Variants in PRPF3 observed in about 807,000 individuals in gnomAD.
The protein encoded by PRPF3 is pre-mRNA processing factor 3.
A neutral mutation model predicts 89.2 loss-of-function variants in PRPF3; 3 were observed. That is an observed-to-expected ratio of 0.03 (90% CI 0.02 to 0.09). The LOEUF (loss-of-function observed/expected upper bound fraction) is 0.09, where lower values mean the gene tolerates loss of function less well. Ranked by LOEUF, PRPF3 falls within the 10% of genes least tolerant of loss-of-function variation. The pLI, the probability that PRPF3 is intolerant of heterozygous loss-of-function variation, is 1.00. For missense variants in PRPF3, 463 were observed against 828.8 expected, an observed-to-expected ratio of 0.56 and a Z score of 5.42; for synonymous variants, 270 against 289.1, an observed-to-expected ratio of 0.93 and a Z score of 0.67.
intron 4 of PRPF3, among the ~76,000 whole-genome samples, 165 bp downstream of exon 4, chr1:150,328,631 C>T (rs1364141166): frequency 1.4e-5 from 2 of 139,530 alleles, no homozygotes; most frequent in African/African-American, 5.3e-5. Context: ...CAGCTCACTG[C>T]AACCTCCGCC....
At chr1:150,341,269 G>A (rs1380657723) in intron 9 of PRPF3, among the ~76,000 whole-genome samples, 3 of 151,996 alleles carry the variant, frequency 2.0e-5, no homozygotes, top group Non-Finnish European at 1.5e-5. Flanking sequence ...AAATGCAAAT[G>A]CAAGAGCCAA....
chr1:150,322,139 G>C (rs1345130605), intron 1 of PRPF3, among the ~76,000 whole-genome samples: 1 of 152,096 alleles, frequency 6.6e-6, no homozygotes, highest in Non-Finnish European at 1.5e-5. Context: ...TCTTATGGAG[G>C]TAACAGTGGC....
At chr1:150,339,466 C>T (rs369071541) in intron 8 of PRPF3, among the ~76,000 whole-genome samples, 140 of 145,868 alleles carry the variant, frequency 9.6e-4, no homozygotes, top group African/African-American at 3.3e-3. Context: ...GACGGAGTTT[C>T]GCTCTTGTTG....
intron 14 of PRPF3, among the ~76,000 whole-genome samples, chr1:150,347,555 C>G (rs1658419072): frequency 6.6e-6 from 1 of 151,982 alleles, no homozygotes; most frequent in Non-Finnish European, 1.5e-5. Context: ...CATGGTGAAA[C>G]CCCGTCTCTA....
At chr1:150,325,222 G>A in intron 2 of PRPF3, 135 bp downstream of exon 2, 1 of 943,090 alleles carries the variant, frequency 1.1e-6, no homozygotes, top group Non-Finnish European at 1.5e-6. Flanking sequence ...CTGTATTATA[G>A]TGAAAATAGG....
intron 1 of PRPF3, among the ~76,000 whole-genome samples, chr1:150,322,851 A>G (rs114445820): frequency 0.014 from 2,118 of 149,320 alleles, 53 homozygotes; most frequent in African/African-American, 0.05. Flanking sequence ...GAGGTCAGTC[A>G]ATTTATTGAC....
chr1:150,343,870 T>C (rs1460024640), intron 10 of PRPF3, among the ~76,000 whole-genome samples: 3 of 152,200 alleles, frequency 2.0e-5, no homozygotes, highest in African/African-American at 7.2e-5. Context: ...TTATAAGCTC[T>C]TTCACTAGAT....
Position 150,346,402 on chromosome 1 carries a change from T to C in PRPF3, c.1760-6T>C. 3 of 1,613,020 alleles carry C rather than the reference T, an allele frequency of 1.9e-6. No homozygotes were observed. Among genetic ancestry groups the C allele is most frequent in the Non-Finnish European group, 2.5e-6 (3 of 1,178,986 alleles). ...TTCTGGCAAAATTATTCTTCTCTGT[T>C]TCCAGGCCCCAAGGCCCAGAAGAAA... On this transcript the variant is annotated splice_polypyrimidine_tract_variant and splice_region_variant and intron_variant, in intron 13 of 15. Transcript: ENST00000324862.
intron 4 of PRPF3, among the ~76,000 whole-genome samples, chr1:150,330,756 G>A (rs1394508243): frequency 2.8e-4 from 40 of 140,930 alleles, no homozygotes; most frequent in Middle Eastern, 4.7e-3. Context: ...TCACTCTGTC[G>A]CCCAGAGTGG....
chr1:150,329,105 C>T (rs982568826), intron 4 of PRPF3, among the ~76,000 whole-genome samples: 4 of 150,756 alleles, frequency 2.7e-5, no homozygotes, highest in East Asian at 2.0e-4. Flanking sequence ...TCTCAGCTCA[C>T]GGCAACCTCC....
At chr1:150,344,018 C>T in intron 10 of PRPF3, 144 bp from the exon 11 acceptor site, 1 of 738,910 alleles carries the variant, frequency 1.4e-6, no homozygotes, top group South Asian at 1.5e-5. Context: ...ATGGGATTTT[C>T]AAGATAGGAG....
chr1:150,324,707 G>A (rs782104086), intron 1 of PRPF3, among the ~76,000 whole-genome samples, 188 bp from the exon 2 acceptor site: 2 of 152,032 alleles, frequency 1.3e-5, no homozygotes, highest in Non-Finnish European at 2.9e-5. Context: ...ACCACGCCCA[G>A]CTAATTTTTT....
intron 2 of PRPF3, among the ~76,000 whole-genome samples, chr1:150,325,420 C>T (rs1655590865): frequency 6.6e-6 from 1 of 152,040 alleles, no homozygotes; most frequent in Admixed American, 6.6e-5. Flanking sequence ...TTATGAAATA[C>T]ATGAAAAAGC....
intron 8 of PRPF3, 126 bp downstream of exon 8, chr1:150,338,452 AT>A: frequency 1.0e-6 from 1 of 991,970 alleles, no homozygotes; most frequent in Non-Finnish European, 1.5e-6. Flanking sequence ...ATTAATTAAA[AT>A]TTTTAAATCC....
At chr1:150,331,591 C>T (rs1656402337) in intron 4 of PRPF3, among the ~76,000 whole-genome samples, 1 of 151,398 alleles carries the variant, frequency 6.6e-6, no homozygotes, top group Non-Finnish European at 1.5e-5. Flanking sequence ...TCTTCAGCTC[C>T]TGACCTCAAG....
At chr1:150,347,371 T>G (rs1553873209) in intron 14 of PRPF3, among the ~76,000 whole-genome samples, 1 of 151,814 alleles carries the variant, frequency 6.6e-6, no homozygotes, top group African/African-American at 2.4e-5. Context: ...ACACATATGC[T>G]CTTCAACTTA....
At position 150,349,902 on chromosome 1, in the gene PRPF3, G is replaced by C. The variant is rs190470996; in HGVS notation, c.1905+684G>C. On this transcript the variant is annotated intron_variant, in intron 15 of 15. Coordinates refer to ENST00000324862, the MANE Select transcript of PRPF3 (RefSeq NM_004698.4). The stretch of plus-strand genomic sequence containing the variant: ...TTTTTTGGGGGCGGGGGGGCGGGGG[G>C]CGGTATGGAGTTTCGCTCTTGTTGC... 1.0e-2 allele frequency among the ~76,000 whole-genome samples: 1,383 copies of C among 138,426 alleles called. 21 individuals are homozygous for C. The highest frequency in any genetic ancestry group is 0.033 in the African/African-American group (1,287 of 38,708). The allele number at this position is 138,426 out of a possible 152,430, so 90.8% of individuals were successfully genotyped here.
Position 150,344,477 on chromosome 1 carries a change from C to T in PRPF3, c.1570C>T (p.Gln524Ter). The stretch of plus-strand genomic sequence containing the variant: ...CGCTGCCCGAAAACTCACAGCAGAA[C>T]AGAGAAAGGTCAAGAAAATTAAAAA... ...ANAARKLTAEQRKVKKIKKLK... is the reference protein window; with the variant it reads ...ANAARKLTAE Residue 524 changes from glutamine to a stop codon, truncating the protein, a stop_gained, in exon 12 of 16, where the codon CAG becomes TAG. Coordinates refer to ENST00000324862, the MANE Select transcript of PRPF3 (RefSeq NM_004698.4). LOFTEE classifies it high-confidence loss of function. The T allele has an allele frequency of 6.2e-7, 1 of 1,614,132 alleles. No homozygotes were observed. Among genetic ancestry groups the T allele is most frequent in the Admixed American group, 1.7e-5 (1 of 59,998 alleles).
At position 150,337,086 on chromosome 1, in the gene PRPF3, T is replaced by A. The variant is rs587683178; in HGVS notation, c.1036-1074T>A. On this transcript the variant is annotated intron_variant, in intron 7 of 15. Transcript: ENST00000324862. The stretch of plus-strand genomic sequence containing the variant: ...CGGAGTCTCGCTCTGTCACCCAGGC[T>A]GCAGTGCAGTGGCACGATCTCAGCT... Among the ~76,000 whole-genome samples the A allele has an allele frequency of 1.6e-4, 21 of 134,584 alleles. No homozygotes were observed. The East Asian group carries it at 4.5e-3, about 29-fold the overall frequency. 88.3% of individuals were successfully genotyped at this position (134,584 alleles called of 152,430 possible). A position where few individuals can be genotyped will look rare whatever the true frequency, so the allele number is the denominator to read the frequency against.
Sources: gnomAD v4.1 joint callset for allele counts (sites outside exome capture counted in the v4.1 genomes callset) on GRCh38, gnomAD v4.1.1 for gene constraint, MANE v1.5 for transcripts, NCBI Gene and HGNC (gene_info 2026-07-23, HGNC 2026-07-21) for gene names.